TNS3: variants seen among roughly 807,000 people sequenced by gnomAD.
The protein encoded by TNS3 is tensin 3.
TNS3 carries 45 observed loss-of-function variants against 140.9 expected under a neutral mutation model. The ratio of observed to expected loss-of-function variants is 0.32; its 90% CI spans 0.25 to 0.41. TNS3 has a LOEUF of 0.41. TNS3 is among the 10% of genes least tolerant of loss of function. The pLI, the probability that TNS3 is intolerant of heterozygous loss-of-function variation, is 1.00. For synonymous variants in TNS3, 815 were observed against 788.4 expected (o/e 1.03, Z -0.56); for missense variants, 1,716 against 1,906.7 (o/e 0.90, Z 1.86).
chr7:47,299,498 G>A (rs1318016554), intron 23 of TNS3, among the ~76,000 whole-genome samples: 1 of 152,136 alleles, frequency 6.6e-6, no homozygotes, highest in Non-Finnish European at 1.5e-5. Flanking sequence ...TTTCAACTGT[G>A]ATATACCTCA....
At chr7:47,566,079 C>A (rs937703282) in intron 1 of TNS3, among the ~76,000 whole-genome samples, 1 of 152,198 alleles carries the variant, frequency 6.6e-6, no homozygotes, top group Non-Finnish European at 1.5e-5. Context: ...CCCTGCCGAG[C>A]CGCAACCCAA....
intron 17 of TNS3, among the ~76,000 whole-genome samples, chr7:47,348,468 T>C (rs1789476624): frequency 6.6e-6 from 1 of 152,174 alleles, no homozygotes; most frequent in South Asian, 2.1e-4. Context: ...GGGGAGGGAA[T>C]AGTACTTCTG....
intron 25 of TNS3, among the ~76,000 whole-genome samples, chr7:47,293,153 T>C (rs534557944): frequency 6.6e-6 from 1 of 152,360 alleles, no homozygotes; most frequent in Non-Finnish European, 1.5e-5. Flanking sequence ...TACCAAATTA[T>C]ATAAAGACTA....
chr7:47,519,405 A>G (rs556204730), intron 2 of TNS3, among the ~76,000 whole-genome samples: 1 of 152,258 alleles, frequency 6.6e-6, no homozygotes, highest in African/African-American at 2.4e-5. Flanking sequence ...TAACTCAGGA[A>G]ACCCTCTTAG....
At chr7:47,427,836 T>C (rs1274128380) in intron 9 of TNS3, among the ~76,000 whole-genome samples, 1 of 152,192 alleles carries the variant, frequency 6.6e-6, no homozygotes, top group Admixed American at 6.5e-5. Context: ...AGTAACTGCC[T>C]CGTGGATTAG....
intron 10 of TNS3, among the ~76,000 whole-genome samples, chr7:47,415,573 C>T (rs866406593): frequency 4.6e-5 from 7 of 152,368 alleles, no homozygotes; most frequent in Middle Eastern, 6.8e-3. Context: ...CACCGGTGGG[C>T]GTGTGCTCTG....
chr7:47,293,925 A>AAG, intron 24 of TNS3, 97 bp from the exon 25 acceptor site: 1 of 1,127,858 alleles, frequency 8.9e-7, no homozygotes, highest in Non-Finnish European at 1.3e-6. Flanking sequence ...TACAGTTGAA[A>AAG]AGGCTCTTCT....
At chr7:47,382,439 T>C (rs1018565375) in intron 16 of TNS3, among the ~76,000 whole-genome samples, 1 of 152,238 alleles carries the variant, frequency 6.6e-6, no homozygotes, top group Non-Finnish European at 1.5e-5. Flanking sequence ...TCCCTGCTAA[T>C]GGGTCTTGAT....
At chr7:47,553,776 T>A (rs1800121364) in intron 1 of TNS3, among the ~76,000 whole-genome samples, 1 of 152,196 alleles carries the variant, frequency 6.6e-6, no homozygotes, top group Admixed American at 6.5e-5. Flanking sequence ...AGGAGTAATT[T>A]TGACTTTCAA....
intron 4 of TNS3, among the ~76,000 whole-genome samples, chr7:47,453,589 T>C (rs1384684388): frequency 6.6e-6 from 1 of 152,096 alleles, no homozygotes; most frequent in Non-Finnish European, 1.5e-5. Flanking sequence ...GAATTCAACA[T>C]AACTAAATAA....
Position 47,482,999 on chromosome 7 carries a change from C to T in TNS3, c.-114-1858G>A, listed in dbSNP as rs183758307. ...GCTTGACACTATAAGGATGGACGCA[C>T]GTCATTCTGCATTTGTCTAAACCCA... is the stretch of plus-strand genomic sequence containing the variant. On this transcript the variant is annotated intron_variant, in intron 3 of 30. Coordinates refer to ENST00000311160, the MANE Select transcript of TNS3 (RefSeq NM_022748.12). Among the ~76,000 whole-genome samples the T allele has an allele frequency of 5.9e-5, 9 of 152,168 alleles. No homozygotes were observed. In the East Asian group the frequency reaches 1.2e-3, roughly 20 times the overall value.
At chr7:47,452,832 G>A in intron 4 of TNS3, 2 of 774,448 alleles carry the variant, frequency 2.6e-6, no homozygotes, top group Non-Finnish European at 3.1e-6. Flanking sequence ...TCACTGCAAA[G>A]CAGCCAGTAC....
intron 20 of TNS3, among the ~76,000 whole-genome samples, chr7:47,309,087 G>T (rs1174599375): frequency 6.6e-6 from 1 of 152,190 alleles, no homozygotes. Flanking sequence ...GGTAAACTGG[G>T]ACAACTGTAC....
chr7:47,326,704 C>G (rs956599683), intron 20 of TNS3, among the ~76,000 whole-genome samples: 1 of 152,196 alleles, frequency 6.6e-6, no homozygotes, highest in Non-Finnish European at 1.5e-5. Context: ...CCTAACCAGA[C>G]AATCTCTAAT....
chr7:47,281,111 G>A (rs1017301465), intron 28 of TNS3, among the ~76,000 whole-genome samples: 1 of 152,114 alleles, frequency 6.6e-6, no homozygotes, highest in Non-Finnish European at 1.5e-5. Context: ...CAGGACAGAT[G>A]CCCAAGTCAG....
In TNS3 at chr7:47,280,491, G is replaced by A. The variant is rs968852086; in HGVS notation, c.4098-137C>T. 13 of 822,340 alleles carry A rather than the reference G, an allele frequency of 1.6e-5. No individual in the cohort carries two copies. The Admixed American group carries it at 1.7e-4, about 11-fold the overall frequency. 50.9% of individuals were successfully genotyped at this position (822,340 alleles called of 1,614,324 possible). On this transcript the variant is annotated intron_variant, in intron 28 of 30. Transcript: ENST00000311160. ...TTCATACTTTTACTCATCACTTGGA[G>A]AGAAGAAAGTGCGTGCTCATTCAAA...
rs75253453 is a variant in TNS3 at position 47,293,734 on chromosome 7, G to A, written c.3771C>T (p.Phe1257=). ...ACAGCAACCTCTCAAGCAACTCACCGAAATATGGTTCATTCGAGCACCCTT... is the reference window on the plus strand; with the variant it reads ...ACAGCAACCTCTCAAGCAACTCACCAAAATATGGTTCATTCGAGCACCCTT... ...RLKGCSNEPY[F]GSLTALVCQH... Residue 1257 remains phenylalanine, a splice_region_variant and synonymous_variant, in exon 25 of 31, where the codon TTC becomes TTT. Transcript: ENST00000311160. The A allele has an allele frequency of 9.8e-3, 15,813 of 1,613,988 alleles. 937 individuals carry two copies. The East Asian group carries it at 0.14, about 14-fold the overall frequency.
chr7:47,312,036 C>G (rs982740614), intron 20 of TNS3, among the ~76,000 whole-genome samples: 3 of 152,142 alleles, frequency 2.0e-5, no homozygotes, highest in African/African-American at 7.2e-5. Flanking sequence ...TTTGTATGAA[C>G]ATACTGTTAA....
intron 4 of TNS3, among the ~76,000 whole-genome samples, chr7:47,472,225 T>C (rs151218499): frequency 6.6e-6 from 1 of 152,280 alleles, no homozygotes; most frequent in East Asian, 1.9e-4. Flanking sequence ...CTGTCATCAT[T>C]CCAAATAAGG....
Sources: gnomAD v4.1 joint callset for allele counts (sites outside exome capture counted in the v4.1 genomes callset) on GRCh38, gnomAD v4.1.1 for gene constraint, MANE v1.5 for transcripts, NCBI Gene and HGNC (gene_info 2026-07-23, HGNC 2026-07-21) for gene names.